The following ARHGAP8 variants were observed in gnomAD, a reference collection of about 807,000 sequenced individuals.
ARHGAP8 encodes rho GTPase-activating protein 8.
ARHGAP8 carries 62 observed loss-of-function variants against 46.1 expected under a neutral mutation model. The observed-to-expected ratio is 1.34, with a 90% confidence interval of 1.10 to 1.66. The LOEUF (loss-of-function observed/expected upper bound fraction) is 1.66. ARHGAP8 is among the 40% of genes most tolerant of loss of function. The pLI, the probability that ARHGAP8 is intolerant of heterozygous loss-of-function variation, is 0.00. For synonymous variants in ARHGAP8, 375 were observed against 243.1 expected, an observed-to-expected ratio of 1.54 and a Z score of -5.05; for missense variants, 923 against 568.4, an observed-to-expected ratio of 1.62 and a Z score of -6.34.
chr22:44,821,202 C>T lies in ARHGAP8; in HGVS notation c.387-1169C>T, dbSNP rs145688790. ...ATCCCAGCACTTTGGGAGGCCAAGG[C>T]GGGCGGATCACGAGGTCAGGAGATC... is the stretch of plus-strand genomic sequence containing the variant. On this transcript the variant is annotated intron_variant, in intron 5 of 11. Coordinates refer to ENST00000356099, the MANE Select transcript of ARHGAP8 (RefSeq NM_181335.3). 6.0e-3 allele frequency among the ~76,000 whole-genome samples: 912 copies of T among 151,874 alleles called. 9 individuals are homozygous for T. Among genetic ancestry groups the T allele is most frequent in the Non-Finnish European group, 9.7e-3 (656 of 67,856 alleles).
intron 2 of ARHGAP8, among the ~76,000 whole-genome samples, chr22:44,787,047 A>AAAAAAC (rs796358176): frequency 0.03 from 4,409 of 145,496 alleles, 268 homozygotes; most frequent in African/African-American, 0.1. Flanking sequence ...CAAAAAAAAA[A>AAAAAAC]AAAAGAAAGA....
At chr22:44,851,397 T>G (rs905626570) in intron 10 of ARHGAP8, among the ~76,000 whole-genome samples, 2 of 69,154 alleles carry the variant, frequency 2.9e-5, no homozygotes, top group African/African-American at 2.1e-4. Flanking sequence ...TTTTAAATAT[T>G]TATTTATTTA....
chr22:44,760,998 G>T (rs1925088094), intron 1 of ARHGAP8, among the ~76,000 whole-genome samples: 1 of 152,186 alleles, frequency 6.6e-6, no homozygotes. Flanking sequence ...CTGCTCTGAA[G>T]CCCACTGGCC....
At chr22:44,815,273 G>T (rs554630593) in intron 5 of ARHGAP8, among the ~76,000 whole-genome samples, 1 of 152,186 alleles carries the variant, frequency 6.6e-6, no homozygotes, top group Non-Finnish European at 1.5e-5. Flanking sequence ...GGCTGGCCGC[G>T]GAAGCTCACC....
chr22:44,798,353 C>T (rs948052044), intron 2 of ARHGAP8, among the ~76,000 whole-genome samples: 1 of 151,568 alleles, frequency 6.6e-6, no homozygotes, highest in Admixed American at 6.6e-5. Flanking sequence ...TCAAGTGATC[C>T]TCCCATCTTG....
chr22:44,815,218 G>A (rs569172319), intron 5 of ARHGAP8, among the ~76,000 whole-genome samples: 2 of 152,344 alleles, frequency 1.3e-5, no homozygotes, highest in African/African-American at 2.4e-5. Flanking sequence ...CATACAGGCA[G>A]TGCTCCATTC....
At chr22:44,782,195 G>C (rs1926891442) in intron 1 of ARHGAP8, among the ~76,000 whole-genome samples, 1 of 152,082 alleles carries the variant, frequency 6.6e-6, no homozygotes, top group East Asian at 1.9e-4. Context: ...AAATTAGCTT[G>C]GCATGGTGGC....
intron 10 of ARHGAP8, among the ~76,000 whole-genome samples, chr22:44,854,360 C>A (rs559890013): frequency 8.6e-5 from 13 of 151,524 alleles, no homozygotes; most frequent in African/African-American, 3.1e-4. Context: ...CCTCAGCCTC[C>A]GGAGTAGCTG....
chr22:44,822,804 C>T (rs913989900), intron 6 of ARHGAP8, among the ~76,000 whole-genome samples: 3 of 152,180 alleles, frequency 2.0e-5, no homozygotes, highest in African/African-American at 4.8e-5. Context: ...GAGAATTTCC[C>T]AGGCGTGTGG....
Position 44,862,709 on chromosome 22 carries a change from T to G in ARHGAP8, c.*114T>G. The G allele has an allele frequency of 7.7e-7, 1 of 1,298,188 alleles. No individual in the cohort carries two copies. 80.4% of individuals were successfully genotyped at this position (1,298,188 alleles called of 1,614,324 possible). ...CCAGCCATTAGATGAATTCAGAACC[T>G]TCTAATGAAAACTCCATGCCTCTGG... On this transcript the variant is annotated 3_prime_UTR_variant, in exon 12 of 12. Coordinates refer to ENST00000356099, the MANE Select transcript of ARHGAP8 (RefSeq NM_181335.3).
rs974587205 is a variant in ARHGAP8, at chr22:44,792,622, A to T, written c.79+6016A>T. Reference sequence around the variant, plus strand: ...TGTGACTAGATGTCACTCCCCACCAACGCATTTCTGAATTTTTCTGTCCCA... The same window carrying T: ...TGTGACTAGATGTCACTCCCCACCATCGCATTTCTGAATTTTTCTGTCCCA... On this transcript the variant is annotated intron_variant, in intron 2 of 11. Coordinates refer to ENST00000356099, the MANE Select transcript of ARHGAP8 (RefSeq NM_181335.3). Among the ~76,000 whole-genome samples the T allele has an allele frequency of 1.1e-4, 17 of 152,064 alleles. No individual in the cohort carries two copies. The East Asian group carries it at 3.1e-3, about 28-fold the overall frequency.
In ARHGAP8 at chr22:44,862,358, G is replaced by C. The variant is rs772871377; in HGVS notation, c.1065G>C (p.Gln355His). The C allele has an allele frequency of 6.2e-7, 1 of 1,614,132 alleles. No individual in the cohort carries two copies. Residue 355 changes from glutamine (Q) to histidine (H), a missense_variant, in exon 12 of 12, where the codon CAG (glutamine) becomes CAC (histidine). Gln to His is a conservative substitution (Grantham distance 24). Coordinates refer to ENST00000356099, the MANE Select transcript of ARHGAP8 (RefSeq NM_181335.3). ...VFGLNLIWPS[Q>H]GVSSLSALVP... The stretch of plus-strand genomic sequence containing the variant: ...GGCTGAATTTGATCTGGCCATCCCA[G>C]GGGGTCTCCTCCCTGAGTGCCCTTG...
At chr22:44,858,798 A>G (rs906832318) in intron 10 of ARHGAP8, among the ~76,000 whole-genome samples, 84 of 150,886 alleles carry the variant, frequency 5.6e-4, no homozygotes, top group Non-Finnish European at 8.3e-4. Flanking sequence ...TGCCTTTCCA[A>G]GAGCAACAAA....
At chr22:44,798,701 T>G (rs1702275367) in intron 2 of ARHGAP8, among the ~76,000 whole-genome samples, 1 of 152,124 alleles carries the variant, frequency 6.6e-6, no homozygotes, top group Admixed American at 6.5e-5. Flanking sequence ...CATCCCTGCC[T>G]TGTCCAGGGC....
At chr22:44,828,696 A>T (rs148829152) in intron 7 of ARHGAP8, among the ~76,000 whole-genome samples, 2 of 151,674 alleles carry the variant, frequency 1.3e-5, no homozygotes, top group African/African-American at 4.8e-5. Flanking sequence ...CAAGTGATCC[A>T]CCTGCCTCGG....
intron 1 of ARHGAP8, among the ~76,000 whole-genome samples, chr22:44,767,220 C>T (rs1458964878): frequency 6.6e-6 from 1 of 152,160 alleles, no homozygotes; most frequent in Admixed American, 6.5e-5. Context: ...TGCTCCCTCC[C>T]TCCTTCCCGC....
intron 4 of ARHGAP8, among the ~76,000 whole-genome samples, chr22:44,811,904 T>C (rs1344091035): frequency 6.7e-6 from 1 of 150,272 alleles, no homozygotes; most frequent in Non-Finnish European, 1.5e-5. Context: ...GGCTGAGATA[T>C]AAGAATCCCT....
intron 3 of ARHGAP8, among the ~76,000 whole-genome samples, chr22:44,804,138 A>G (rs1928772133): frequency 1.3e-5 from 2 of 151,970 alleles, no homozygotes; most frequent in South Asian, 2.1e-4. Flanking sequence ...CACCCTCTGC[A>G]TTGGCCGTTT....
intron 10 of ARHGAP8, chr22:44,859,513 TTTC>T (rs2070359323): frequency 1.0e-5 from 6 of 586,268 alleles, no homozygotes; most frequent in Admixed American, 3.0e-5. Flanking sequence ...TTAAACCTCT[TTTC>T]TTATAAATAA....
Sources: allele counts gnomAD v4.1 joint callset (sites outside exome capture counted in the v4.1 genomes callset), GRCh38; gene constraint gnomAD v4.1.1; transcripts MANE v1.5; gene names NCBI Gene and HGNC (gene_info 2026-07-23, HGNC 2026-07-21).